The following LEP variants were observed in gnomAD, a reference collection of about 807,000 sequenced individuals.
LEP encodes leptin (murine obesity homolog).
In LEP, 6 loss-of-function variants were observed where a neutral mutation model predicts 9.8. The ratio of observed to expected loss-of-function variants is 0.61; its 90% CI spans 0.34 to 1.21. The LOEUF (loss-of-function observed/expected upper bound fraction) is 1.21. Among genes scored for constraint, LEP ranks in the 50% most tolerant of loss-of-function variants. The pLI is 0.04. For missense variants in LEP, 134 were observed against 198.1 expected, an observed-to-expected ratio of 0.68 and a Z score of 1.94; for synonymous variants, 112 against 81.7, an observed-to-expected ratio of 1.37 and a Z score of -2.00.
At chr7:128,250,725 C>T (rs28954099) in intron 1 of LEP, among the ~76,000 whole-genome samples, 3,299 of 152,224 alleles carry the variant, frequency 0.022, 57 homozygotes, top group Non-Finnish European at 0.034. Context: ...AAATGTATTA[C>T]CTGTCTTCAT....
chr7:128,251,299 G>A (rs1417632104), intron 1 of LEP, among the ~76,000 whole-genome samples: 3 of 152,188 alleles, frequency 2.0e-5, no homozygotes, highest in Admixed American at 6.6e-5. Context: ...TTGCATCCTC[G>A]GTGCTGAGCA....
chr7:128,252,704 C>T lies in LEP; in HGVS notation c.144+542C>T, dbSNP rs573393701. Among the ~76,000 whole-genome samples, 11 of 152,022 alleles carry T rather than the reference C, an allele frequency of 7.2e-5. No homozygotes were observed. The East Asian group carries it at 2.1e-3, about 29-fold the overall frequency. The stretch of plus-strand genomic sequence containing the variant: ...CCTGATCATGCCACCGTGCTCCAGC[C>T]TGGGTGACAGAGTGAGACCTTGTCT... On this transcript the variant is annotated intron_variant, in intron 2 of 2. Coordinates refer to ENST00000308868, the MANE Select transcript of LEP (RefSeq NM_000230.3).
Position 128,254,733 on chromosome 7 carries a change from G to A in LEP, c.474G>A (p.Leu158=). Reference sequence around the variant, plus strand: ...TGCAGGGGTCTCTGCAGGACATGCTGTGGCAGCTGGACCTCAGCCCTGGGT... The same window carrying A: ...TGCAGGGGTCTCTGCAGGACATGCTATGGCAGCTGGACCTCAGCCCTGGGT... ...SRLQGSLQDM[L]WQLDLSPGC is the part of the protein sequence containing the mutation. The change falls in exon 3 of 3, where the codon CTG becomes CTA. Residue 158 remains leucine, a synonymous_variant. Coordinates refer to ENST00000308868, the MANE Select transcript of LEP (RefSeq NM_000230.3). The A allele has an allele frequency of 2.5e-6, 4 of 1,612,248 alleles. No individual in the cohort carries two copies. Among genetic ancestry groups the A allele is most frequent in the East Asian group, 2.2e-5 (1 of 44,854 alleles).
intron 1 of LEP, among the ~76,000 whole-genome samples, chr7:128,243,175 C>T (rs1042142644): frequency 5.9e-5 from 9 of 152,226 alleles, no homozygotes; most frequent in Admixed American, 1.3e-4. Context: ...CTCCTTTGCA[C>T]TTATTCCACG....
chr7:128,243,206 G>A (rs576502923), intron 1 of LEP, among the ~76,000 whole-genome samples: 2 of 152,312 alleles, frequency 1.3e-5, no homozygotes, highest in African/African-American at 2.4e-5. Context: ...AATGTGCCTC[G>A]TTGCTTAGCA....
In LEP at chr7:128,255,846, A is replaced by C. The variant is rs998887909; in HGVS notation, c.*1083A>C. ...GAAGCTGATGCTTTGCTTCAAATCCATCCAGAATAAAACGCAAAGGGCTGA... is the reference window on the plus strand; with the variant it reads ...GAAGCTGATGCTTTGCTTCAAATCCCTCCAGAATAAAACGCAAAGGGCTGA... On this transcript the variant is annotated 3_prime_UTR_variant, in exon 3 of 3. Coordinates refer to ENST00000308868, the MANE Select transcript of LEP (RefSeq NM_000230.3). 2 of 152,184 alleles carry C rather than the reference A, an allele frequency of 1.3e-5. No individual in the cohort carries two copies. The highest frequency in any genetic ancestry group is 4.8e-5 in the African/African-American group (2 of 41,428). The allele number at this position is 152,184 out of a possible 1,614,324, so 9.4% of individuals were successfully genotyped here. A position where few individuals can be genotyped will look rare whatever the true frequency, so the allele number is the denominator to read the frequency against.
chr7:128,254,775 T>C lies in LEP; in HGVS notation c.*12T>C, dbSNP rs1422559861. On this transcript the variant is annotated 3_prime_UTR_variant, in exon 3 of 3. Coordinates refer to ENST00000308868, the MANE Select transcript of LEP (RefSeq NM_000230.3). Reference sequence around the variant, plus strand: ...GCCCTGGGTGCTGAGGCCTTGAAGGTCACTCTTCCTGCAAGGACTACGTTA... The same window carrying C: ...GCCCTGGGTGCTGAGGCCTTGAAGGCCACTCTTCCTGCAAGGACTACGTTA... 6.2e-7 allele frequency: 1 copy of C among 1,605,096 alleles called. No homozygotes were observed. The highest frequency in any genetic ancestry group is 1.3e-5 in the African/African-American group (1 of 74,860).
At chr7:128,247,268 C>T (rs28954093) in intron 1 of LEP, among the ~76,000 whole-genome samples, 52 of 152,274 alleles carry the variant, frequency 3.4e-4, no homozygotes, top group African/African-American at 1.3e-3. Context: ...ATTTGCAGCC[C>T]TTTGTCTCTG....
chr7:128,246,504 G>GA (rs1795212978), intron 1 of LEP, among the ~76,000 whole-genome samples: 1 of 152,122 alleles, frequency 6.6e-6, no homozygotes, highest in African/African-American at 2.4e-5. Context: ...ACACAGGCTG[G>GA]AGTGCACTGT....
intron 1 of LEP, among the ~76,000 whole-genome samples, chr7:128,246,916 T>C (rs1164997660): frequency 6.6e-6 from 1 of 151,776 alleles, no homozygotes; most frequent in Non-Finnish European, 1.5e-5. Context: ...GCCCAGGGAG[T>C]GCAGAGAGAA....
At chr7:128,247,315 G>C (rs948633648) in intron 1 of LEP, among the ~76,000 whole-genome samples, 9 of 152,086 alleles carry the variant, frequency 5.9e-5, no homozygotes, top group Non-Finnish European at 1.3e-4. Context: ...AGCTGGGCAG[G>C]CTCACCAGCA....
intron 1 of LEP, among the ~76,000 whole-genome samples, chr7:128,246,996 C>T (rs1209174837): frequency 6.6e-6 from 1 of 152,180 alleles, no homozygotes; most frequent in East Asian, 1.9e-4. Context: ...TGTGAGCCCA[C>T]CATCTTCCTA....
Position 128,254,908 on chromosome 7 carries a change from C to A in LEP, c.*145C>A. 1 of 881,574 alleles carries A rather than the reference C, an allele frequency of 1.1e-6. No homozygotes were observed. The highest frequency in any genetic ancestry group is 1.8e-6 in the Non-Finnish European group (1 of 552,856). The allele number at this position is 881,574 out of a possible 1,614,324, so 54.6% of individuals were successfully genotyped here. A position where few individuals can be genotyped will look rare whatever the true frequency, so the allele number is the denominator to read the frequency against. On this transcript the variant is annotated 3_prime_UTR_variant, in exon 3 of 3. Coordinates refer to ENST00000308868, the MANE Select transcript of LEP (RefSeq NM_000230.3). ...CCCTGACTCCTCTAAGCCACTCTTC[C>A]AAAGGCATAAGACCCTAAGCCTCCT...
At chr7:128,247,732 C>T (rs375745798) in intron 1 of LEP, among the ~76,000 whole-genome samples, 2 of 152,186 alleles carry the variant, frequency 1.3e-5, no homozygotes, top group Admixed American at 1.3e-4. Flanking sequence ...TTGGGGTTGG[C>T]TACGTGCCAG....
rs11761556 is a variant in LEP, at chr7:128,257,016, C to A, written c.*2253C>A. 67,574 of 152,118 alleles carry A rather than the reference C, an allele frequency of 0.44. 17,319 individuals are homozygous for A. The highest frequency in any genetic ancestry group is 0.73 in the East Asian group (3,779 of 5,154). 9.4% of individuals were successfully genotyped at this position (152,118 alleles called of 1,614,324 possible). ...GGCAGAGAAAGAAGAGACAGGAGGG[C>A]AAGGGCCATGCTGAAGGGACCTTGA... On this transcript the variant is annotated 3_prime_UTR_variant, in exon 3 of 3. Transcript: ENST00000308868.
chr7:128,242,200 A>G (rs1347617127), intron 1 of LEP, among the ~76,000 whole-genome samples: 1 of 152,240 alleles, frequency 6.6e-6, no homozygotes, highest in Non-Finnish European at 1.5e-5. Context: ...CTGTCATTTC[A>G]GAATAGCAGC....
chr7:128,246,704 C>CTTGAA (rs1795215742), intron 1 of LEP, among the ~76,000 whole-genome samples: 1 of 152,074 alleles, frequency 6.6e-6, no homozygotes, highest in Admixed American at 6.6e-5. Flanking sequence ...CTCAAGCGAT[C>CTTGAA]CTCCTGCCTT....
intron 1 of LEP, among the ~76,000 whole-genome samples, chr7:128,243,645 C>T (rs1795177315): frequency 6.6e-6 from 1 of 152,124 alleles, no homozygotes; most frequent in Admixed American, 6.5e-5. Context: ...CATTTTCTGT[C>T]TTTATTAAGA....
At chr7:128,254,328 AC>A (rs1795309852) in intron 2 of LEP, 75 bp from the exon 3 acceptor site, 2 of 1,584,548 alleles carry the variant, frequency 1.3e-6, no homozygotes, top group Non-Finnish European at 8.6e-7. Flanking sequence ...CTCCATGCCC[AC>A]GGGGAAGGCA....
Sources: gnomAD v4.1 joint callset for allele counts (sites outside exome capture counted in the v4.1 genomes callset) on GRCh38, gnomAD v4.1.1 for gene constraint, MANE v1.5 for transcripts, NCBI Gene and HGNC (gene_info 2026-07-23, HGNC 2026-07-21) for gene names.